The following JPH3 variants were observed in gnomAD, a reference collection of about 807,000 sequenced individuals.
JPH3 encodes the protein junctophilin 3, also known as junctophilin-3.
Under a neutral mutation model 59.6 loss-of-function variants are expected in JPH3, and 11 were observed. The ratio of observed to expected loss-of-function variants is 0.18; its 90% CI spans 0.12 to 0.31. JPH3 has a LOEUF of 0.31. Among genes scored for constraint, JPH3 ranks in the 10% least tolerant of loss-of-function variants. The probability of loss-of-function intolerance (pLI) is 1.00; values close to 1 mark genes in which losing one functional copy is unlikely to be tolerated. For missense variants in JPH3, 1,202 were observed against 1,105.7 expected (o/e 1.09, Z -1.24); for synonymous variants, 673 against 483.6 (o/e 1.39, Z -5.14).
At chr16:87,659,732 CAAA>C (rs112492214) in intron 2 of JPH3, among the ~76,000 whole-genome samples, 27 of 142,036 alleles carry the variant, frequency 1.9e-4, no homozygotes, top group African/African-American at 6.7e-4. Context: ...GACTCCATTT[CAAA>C]AAAAAAAAGG....
chr16:87,685,015 G>A (rs540726263), intron 3 of JPH3, among the ~76,000 whole-genome samples: 12 of 152,310 alleles, frequency 7.9e-5, no homozygotes, highest in Admixed American at 6.5e-4. Context: ...AGCTCTGACC[G>A]GTGAGCGGTA....
intron 1 of JPH3, among the ~76,000 whole-genome samples, chr16:87,630,504 A>G (rs1567589167): frequency 6.6e-6 from 1 of 152,044 alleles, no homozygotes; most frequent in Non-Finnish European, 1.5e-5. Flanking sequence ...ACCCACACCC[A>G]CGTTGACAAC....
Position 87,603,040 on chromosome 16 carries a change from C to T in JPH3, c.-107C>T, listed in dbSNP as rs1344310834. On this transcript the variant is annotated 5_prime_UTR_variant, in exon 1 of 5. Coordinates refer to ENST00000284262, the MANE Select transcript of JPH3 (RefSeq NM_020655.4). ...CGCTCCGGGGCCGCGTCCTCCTCTC[C>T]TCCGGAAAACGCTCGCGACCCAGGG... The T allele has an allele frequency of 1.0e-5, 15 of 1,474,526 alleles. No homozygotes were observed. The Admixed American group carries it at 1.2e-4, about 12-fold the overall frequency. The allele number at this position is 1,474,526 out of a possible 1,614,324, so 91.3% of individuals were successfully genotyped here.
intron 2 of JPH3, among the ~76,000 whole-genome samples, chr16:87,679,054 A>C (rs552331866): frequency 6.6e-6 from 1 of 152,278 alleles, no homozygotes; most frequent in African/African-American, 2.4e-5. Flanking sequence ...TCAGACCTCA[A>C]ATCCTCCCCA....
chr16:87,668,913 T>A (rs1025325534), intron 2 of JPH3, among the ~76,000 whole-genome samples: 5 of 151,912 alleles, frequency 3.3e-5, no homozygotes, highest in Non-Finnish European at 5.9e-5. Context: ...CCGTGCTCCG[T>A]GGATCTCCTC....
intron 2 of JPH3, among the ~76,000 whole-genome samples, chr16:87,675,546 C>G (rs564643598): frequency 3.3e-5 from 5 of 152,186 alleles, no homozygotes; most frequent in African/African-American, 1.2e-4. Context: ...GCCGGCAGCC[C>G]GCAGTGGCAC....
At chr16:87,613,564 G>A (rs976490130) in intron 1 of JPH3, among the ~76,000 whole-genome samples, 12 of 152,068 alleles carry the variant, frequency 7.9e-5, no homozygotes, top group African/African-American at 2.4e-4. Flanking sequence ...CAAGTGATCC[G>A]CCCACCTCAG....
At chr16:87,670,695 G>C (rs2032992419) in intron 2 of JPH3, among the ~76,000 whole-genome samples, 1 of 152,268 alleles carries the variant, frequency 6.6e-6, no homozygotes, top group African/African-American at 2.4e-5. Context: ...GGCGGGGACA[G>C]CACTGGTGAA....
At chr16:87,684,293 C>T in intron 3 of JPH3, 27 bp downstream of exon 3, 1 of 1,612,050 alleles carries the variant, frequency 6.2e-7, no homozygotes, top group South Asian at 1.1e-5. Flanking sequence ...CTGATACTGG[C>T]ATCGTGGGGA....
At chr16:87,639,632 C>T (rs926276720) in intron 1 of JPH3, among the ~76,000 whole-genome samples, 3 of 150,404 alleles carry the variant, frequency 2.0e-5, no homozygotes, top group Admixed American at 2.0e-4. Context: ...GGCCTCCCTC[C>T]TGGCCTCCCG....
chr16:87,636,084 G>A (rs1044961784), intron 1 of JPH3, among the ~76,000 whole-genome samples: 2 of 151,768 alleles, frequency 1.3e-5, no homozygotes, highest in Non-Finnish European at 2.9e-5. Context: ...TTGTCCCCCC[G>A]ACACTGGGTC....
At chr16:87,606,926 G>A (rs1276713864) in intron 1 of JPH3, among the ~76,000 whole-genome samples, 1 of 152,108 alleles carries the variant, frequency 6.6e-6, no homozygotes, top group African/African-American at 2.4e-5. Context: ...TGATTTTCTT[G>A]TTATTCTCAT....
At chr16:87,615,718 G>T (rs555454936) in intron 1 of JPH3, among the ~76,000 whole-genome samples, 40 of 152,334 alleles carry the variant, frequency 2.6e-4, no homozygotes, top group Admixed American at 5.9e-4. Flanking sequence ...GCCGGGGAGG[G>T]TCACACAGCC....
intron 2 of JPH3, chr16:87,655,000 C>T (rs1373840962): frequency 1.3e-5 from 2 of 152,386 alleles, no homozygotes; most frequent in East Asian, 3.9e-4. Flanking sequence ...TTGCAGTCCC[C>T]CGGGGGCATG....
In JPH3 at chr16:87,644,840, G is replaced by C; in HGVS notation, c.965G>C (p.Gly322Ala). Residue 322 changes from glycine to alanine, a missense_variant, in exon 2 of 5, where the codon GGC (glycine) becomes GCC (alanine). Transcript: ENST00000284262. ...EGEWASNRRHGYGCMTFPDGT... is the reference protein window; with the variant it reads ...EGEWASNRRHAYGCMTFPDGT... ...GAGTGGGCCAGCAACCGGCGCCATG[G>C]CTACGGCTGCATGACCTTCCCGGAC... The C allele has an allele frequency of 6.2e-7, 1 of 1,613,532 alleles. No individual in the cohort carries two copies. Among genetic ancestry groups the C allele is most frequent in the Non-Finnish European group, 8.5e-7 (1 of 1,179,924 alleles).
At chr16:87,651,614 G>A (rs892026476) in intron 2 of JPH3, among the ~76,000 whole-genome samples, 6 of 152,242 alleles carry the variant, frequency 3.9e-5, no homozygotes, top group African/African-American at 1.2e-4. Context: ...TGCAGATGTG[G>A]TGGAAATAGC....
intron 1 of JPH3, among the ~76,000 whole-genome samples, chr16:87,613,178 G>C (rs1159656129): frequency 7.0e-6 from 1 of 142,326 alleles, no homozygotes; most frequent in Admixed American, 7.2e-5. Context: ...CTCACTGCAA[G>C]CTCCGCCTGC....
chr16:87,693,177 C>T (rs1185456984), intron 4 of JPH3, among the ~76,000 whole-genome samples: 2 of 152,208 alleles, frequency 1.3e-5, no homozygotes, highest in Non-Finnish European at 2.9e-5. Flanking sequence ...GTGTCCACAA[C>T]TCCACTTCCA....
intron 2 of JPH3, among the ~76,000 whole-genome samples, chr16:87,666,024 G>C (rs1287619259): frequency 1.3e-5 from 2 of 152,156 alleles, no homozygotes; most frequent in African/African-American, 4.8e-5. Flanking sequence ...GGGCAGATCA[G>C]CAAATGGTAG....
Sources: allele counts gnomAD v4.1 joint callset (sites outside exome capture counted in the v4.1 genomes callset), GRCh38; gene constraint gnomAD v4.1.1; transcripts MANE v1.5; gene names NCBI Gene and HGNC (gene_info 2026-07-23, HGNC 2026-07-21).